GABRG3: variants seen among roughly 807,000 people sequenced by gnomAD.
The protein encoded by GABRG3 is gamma-aminobutyric acid receptor subunit gamma-3.
In GABRG3, 25 loss-of-function variants were observed where a neutral mutation model predicts 48.8. That is an observed-to-expected ratio of 0.51 (90% confidence interval 0.37 to 0.72). The LOEUF (loss-of-function observed/expected upper bound fraction) is 0.72. GABRG3 is among the 30% of genes least tolerant of loss of function. GABRG3 has a pLI of 0.00. For synonymous variants in GABRG3, 227 were observed against 217.6 expected, an observed-to-expected ratio of 1.04 and a Z score of -0.38; for missense variants, 394 against 577.9, an observed-to-expected ratio of 0.68 and a Z score of 3.26.
chr15:27,481,021 A>G, intron 6 of GABRG3: 1 of 1,330,514 alleles, frequency 7.5e-7, no homozygotes, highest in South Asian at 2.4e-5. Flanking sequence ...TAATGTCTAT[A>G]AACCTAGCTA....
chr15:27,193,432 C>A (rs909091857), intron 3 of GABRG3, among the ~76,000 whole-genome samples: 2 of 151,914 alleles, frequency 1.3e-5, no homozygotes, highest in African/African-American at 4.8e-5. Flanking sequence ...GGCGGGCGCC[C>A]CTCCCCCAGC....
chr15:27,354,025 G>A (rs2140539655), intron 5 of GABRG3, among the ~76,000 whole-genome samples: 1 of 152,306 alleles, frequency 6.6e-6, no homozygotes, highest in South Asian at 2.1e-4. Flanking sequence ...AAGGGAGGGA[G>A]GAAGGGCTTG....
At chr15:27,322,757 A>G (rs994193550) in intron 3 of GABRG3, among the ~76,000 whole-genome samples, 2 of 152,136 alleles carry the variant, frequency 1.3e-5, no homozygotes, top group Non-Finnish European at 2.9e-5. Context: ...CCCCGAGTCT[A>G]ACACCCAGAC....
intron 3 of GABRG3, among the ~76,000 whole-genome samples, chr15:27,129,636 A>G (rs1897881198): frequency 6.6e-6 from 1 of 151,394 alleles, no homozygotes; most frequent in Non-Finnish European, 1.5e-5. Context: ...TGGCTATGCC[A>G]TTTTACATTG....
At chr15:27,349,311 CAG>C (rs1303863340) in intron 5 of GABRG3, among the ~76,000 whole-genome samples, 16 of 151,818 alleles carry the variant, frequency 1.1e-4, no homozygotes, top group Non-Finnish European at 1.8e-4. Flanking sequence ...TAAAATATTC[CAG>C]GCTTCTGGCT....
At chr15:27,363,029 G>A (rs544243254) in intron 5 of GABRG3, 1 of 152,282 alleles carries the variant, frequency 6.6e-6, no homozygotes, top group African/African-American at 2.4e-5. Flanking sequence ...TCAATTTTAA[G>A]GGCTTAGAAA....
chr15:26,987,598 G>T (rs936687713), intron 2 of GABRG3, among the ~76,000 whole-genome samples: 1 of 152,126 alleles, frequency 6.6e-6, no homozygotes, highest in Non-Finnish European at 1.5e-5. Flanking sequence ...CTGGCATTAC[G>T]TCAGAACCGC....
At chr15:27,178,773 C>T (rs1271586885) in intron 3 of GABRG3, among the ~76,000 whole-genome samples, 1 of 152,168 alleles carries the variant, frequency 6.6e-6, no homozygotes, top group African/African-American at 2.4e-5. Context: ...TTCTTGGGTT[C>T]TCTGAAAACA....
intron 5 of GABRG3, among the ~76,000 whole-genome samples, chr15:27,434,745 G>A (rs2140626383): frequency 6.6e-6 from 1 of 152,280 alleles, no homozygotes; most frequent in Non-Finnish European, 1.5e-5. Context: ...GCATAGAGTA[G>A]GCAGGGAGTG....
chr15:27,375,000 C>T (rs1320248025), intron 5 of GABRG3, among the ~76,000 whole-genome samples: 1 of 151,908 alleles, frequency 6.6e-6, no homozygotes, highest in African/African-American at 2.4e-5. Context: ...ATATACCCCT[C>T]TTCTTAGGGG....
chr15:27,174,584 G>GTCTCTCTCTC (rs150022606), intron 3 of GABRG3, among the ~76,000 whole-genome samples: 1,967 of 139,676 alleles, frequency 0.014, 36 homozygotes, highest in African/African-American at 0.033. Flanking sequence ...TCTCTCTCTC[G>GTCTCTCTCTC]TCTCTCTCTC....
chr15:27,387,439 A>G (rs1326447902), intron 5 of GABRG3, among the ~76,000 whole-genome samples: 1 of 152,146 alleles, frequency 6.6e-6, no homozygotes. Flanking sequence ...AAGCCTATTC[A>G]ACACTATTTT....
intron 3 of GABRG3, among the ~76,000 whole-genome samples, chr15:27,257,730 T>TG (rs1230317619): frequency 6.6e-6 from 1 of 152,128 alleles, no homozygotes; most frequent in African/African-American, 2.4e-5. Flanking sequence ...TGGGGTGCAG[T>TG]GGCATGATCG....
chr15:27,480,514 G>A, intron 5 of GABRG3, 136 bp from the exon 6 acceptor site: 1 of 789,106 alleles, frequency 1.3e-6, no homozygotes. Context: ...GTGTCTTGGA[G>A]GAAAATTGAG....
At chr15:27,417,969 G>T (rs1411641311) in intron 5 of GABRG3, among the ~76,000 whole-genome samples, 1 of 152,176 alleles carries the variant, frequency 6.6e-6, no homozygotes, top group Non-Finnish European at 1.5e-5. Context: ...TGGGGCTTTT[G>T]CGAGGATCAG....
chr15:27,087,145 C>T (rs1020704208), intron 3 of GABRG3, among the ~76,000 whole-genome samples: 2 of 152,226 alleles, frequency 1.3e-5, no homozygotes, highest in Admixed American at 6.5e-5. Flanking sequence ...TTCCAGTCTG[C>T]GTCTTCAGCA....
rs1891983344 is a variant in GABRG3, at chr15:27,296,355, A to G, written c.271-30454A>G. 2.6e-5 allele frequency among the ~76,000 whole-genome samples: 4 copies of G among 152,318 alleles called. No individual in the cohort carries two copies. The South Asian group carries it at 8.3e-4, about 32-fold the overall frequency. The stretch of plus-strand genomic sequence containing the variant: ...TGGTTATAACATATAGAAATGTCAT[A>G]TACAATAAGACAAGGAAGTGGCTGG... On this transcript the variant is annotated intron_variant, in intron 3 of 9. Transcript: ENST00000615808.
chr15:27,225,665 G>T (rs1038153636), intron 3 of GABRG3, among the ~76,000 whole-genome samples: 23 of 152,122 alleles, frequency 1.5e-4, no homozygotes, highest in Admixed American at 1.3e-3. Flanking sequence ...GCTATTGAGG[G>T]CATGGCCCAG....
At chr15:27,126,022 G>C (rs1484450192) in intron 3 of GABRG3, among the ~76,000 whole-genome samples, 1 of 152,228 alleles carries the variant, frequency 6.6e-6, no homozygotes, top group Non-Finnish European at 1.5e-5. Context: ...ATGATGATTA[G>C]ACACAGTGAT....
Sources: gnomAD v4.1 joint callset for allele counts (sites outside exome capture counted in the v4.1 genomes callset) on GRCh38, gnomAD v4.1.1 for gene constraint, MANE v1.5 for transcripts, NCBI Gene and HGNC (gene_info 2026-07-23, HGNC 2026-07-21) for gene names.